Variants in KMO observed in about 807,000 individuals in gnomAD.
The protein encoded by KMO is kynurenine 3-monooxygenase, also known as kynurenine 3-hydroxylase.
In KMO, 24 loss-of-function variants were observed where a neutral mutation model predicts 57.8. The observed-to-expected ratio is 0.42, with a 90% confidence interval of 0.30 to 0.58. KMO has a LOEUF of 0.58. Ranked by LOEUF, KMO falls within the 20% of genes least tolerant of loss-of-function variation. The probability of loss-of-function intolerance (pLI) is 0.22; values close to 1 mark genes in which losing one functional copy is unlikely to be tolerated. For synonymous variants in KMO, 210 were observed against 193.6 expected, an observed-to-expected ratio of 1.08 and a Z score of -0.70; for missense variants, 483 against 588.2, an observed-to-expected ratio of 0.82 and a Z score of 1.85.
At chr1:241,575,457 A>G (rs1387032715) in intron 10 of KMO, among the ~76,000 whole-genome samples, 3 of 152,020 alleles carry the variant, frequency 2.0e-5, no homozygotes, top group Admixed American at 6.5e-5. Flanking sequence ...AGGTTTTGAT[A>G]TGTTGTGTCA....
At position 241,581,229 on chromosome 1, in the gene KMO, G is replaced by A. The variant is rs999692086; in HGVS notation, c.958-5450G>A. On this transcript the variant is annotated intron_variant, in intron 10 of 14. Transcript: ENST00000366559. ...GTCGATGTGTGTCTTTATAGGTGAT[G>A]TGAATTTCTTGTAGGCAGCATATAG... Among the ~76,000 whole-genome samples the A allele has an allele frequency of 5.3e-5, 8 of 152,128 alleles. No homozygotes were observed. In the South Asian group the frequency reaches 1.7e-3, roughly 31 times the overall value.
intron 1 of KMO, among the ~76,000 whole-genome samples, chr1:241,538,122 G>A (rs1660813049): frequency 1.3e-5 from 2 of 152,154 alleles, no homozygotes. Context: ...GTCTGAGCAT[G>A]CATAATCAAG....
intron 7 of KMO, among the ~76,000 whole-genome samples, chr1:241,562,677 A>C (rs1381922343): frequency 6.6e-6 from 1 of 152,070 alleles, no homozygotes; most frequent in Non-Finnish European, 1.5e-5. Flanking sequence ...CTGTCTCTGT[A>C]AAAAATACAA....
intron 2 of KMO, among the ~76,000 whole-genome samples, chr1:241,549,174 GAGAA>G (rs1195689650): frequency 4.1e-5 from 6 of 145,108 alleles, no homozygotes; most frequent in African/African-American, 1.6e-4. Flanking sequence ...AAGAAAGAGA[GAGAA>G]AGAGAGAGAG....
At chr1:241,585,757 TA>T (rs1011144039) in intron 10 of KMO, among the ~76,000 whole-genome samples, 25 of 99,688 alleles carry the variant, frequency 2.5e-4, no homozygotes, top group South Asian at 1.5e-3. Flanking sequence ...CCATCTAAAA[TA>T]AAAAAAAAAG....
chr1:241,593,521 A>G lies in KMO; in HGVS notation c.*1368A>G. On this transcript the variant is annotated 3_prime_UTR_variant, in exon 15 of 15. Coordinates refer to ENST00000366559, the MANE Select transcript of KMO (RefSeq NM_003679.5). ...CCTTGAGTTCTAATAATCCATGTTC[A>G]GTTTGTAGGGAAAGAAAAAATAATT... 3.6e-6 allele frequency: 1 copy of G among 278,354 alleles called. No individual in the cohort carries two copies. The highest frequency in any genetic ancestry group is 3.7e-5 in the South Asian group (1 of 27,370). 17.2% of individuals were successfully genotyped at this position (278,354 alleles called of 1,614,324 possible). A position where few individuals can be genotyped will look rare whatever the true frequency, so the allele number is the denominator to read the frequency against.
In KMO at chr1:241,562,262, G is replaced by A. The variant is rs147782357; in HGVS notation, c.545G>A (p.Arg182His). 23 of 1,614,024 alleles carry A rather than the reference G, an allele frequency of 1.4e-5. No homozygotes were observed. Among genetic ancestry groups the A allele is most frequent in the East Asian group, 6.7e-5 (3 of 44,890 alleles). Residue 182 changes from arginine to histidine, a missense_variant, in exon 7 of 15, where the codon CGC becomes CAC. Arg to His is a conservative substitution (Grantham distance 29). Transcript: ENST00000366559. ...AGATCTCACCTGATGAAGAAACCTC[G>A]CTTTGATTACAGTCAGCAGTACATT... is the stretch of plus-strand genomic sequence containing the variant. ...TVRSHLMKKP[R>H]FDYSQQYIPH...
chr1:241,579,891 C>T lies in KMO; in HGVS notation c.958-6788C>T, dbSNP rs1662685604. ...TTAGCTTGCAGACTTCCATGAGGTT[C>T]CCAGTAATGTAGAATCAGGAATAAC... On this transcript the variant is annotated intron_variant, in intron 10 of 14. Coordinates refer to ENST00000366559, the MANE Select transcript of KMO (RefSeq NM_003679.5). 1.3e-5 allele frequency among the ~76,000 whole-genome samples: 2 copies of T among 152,134 alleles called. 1 individual carries two copies. Among genetic ancestry groups the T allele is most frequent in the South Asian group, 4.1e-4 (2 of 4,824 alleles).
intron 1 of KMO, among the ~76,000 whole-genome samples, chr1:241,541,830 T>A (rs1359910988): frequency 6.6e-6 from 1 of 152,146 alleles, no homozygotes; most frequent in African/African-American, 2.4e-5. Context: ...TCTTGAGACG[T>A]CAAACTATAG....
intron 11 of KMO, among the ~76,000 whole-genome samples, chr1:241,588,034 A>T (rs1663076992): frequency 6.6e-6 from 1 of 152,156 alleles, no homozygotes; most frequent in South Asian, 2.1e-4. Context: ...CCTTAAACTT[A>T]CACCCAGTTT....
chr1:241,573,112 C>T (rs1662366531), intron 10 of KMO, among the ~76,000 whole-genome samples: 1 of 151,956 alleles, frequency 6.6e-6, no homozygotes, highest in African/African-American at 2.4e-5. Flanking sequence ...ATGCAAGTGT[C>T]TTTTTTGGTA....
chr1:241,591,379 G>A (rs1206840064), intron 14 of KMO, among the ~76,000 whole-genome samples: 1 of 151,532 alleles, frequency 6.6e-6, no homozygotes, highest in Non-Finnish European at 1.5e-5. Flanking sequence ...CCAATCTCTT[G>A]TGATGTGTAA....
At chr1:241,587,082 A>G (rs1440985924) in intron 11 of KMO, among the ~76,000 whole-genome samples, 2 of 151,982 alleles carry the variant, frequency 1.3e-5, no homozygotes, top group Non-Finnish European at 2.9e-5. Context: ...AACAGTCCCA[A>G]CGTTTTGGCA....
At position 241,577,665 on chromosome 1, in the gene KMO, A is replaced by C; in HGVS notation, c.958-9014A>C. Among the ~76,000 whole-genome samples the C allele has an allele frequency of 1.3e-5, 2 of 152,206 alleles. 1 individual carries two copies. The highest frequency in any genetic ancestry group is 6.8e-3 in the Middle Eastern group (2 of 294). On this transcript the variant is annotated intron_variant, in intron 10 of 14. Coordinates refer to ENST00000366559, the MANE Select transcript of KMO (RefSeq NM_003679.5). ...GCTCATCTCGTTTCCCATGATGTGCACTTTTTTATTTATTTATTTTTTCCC... is the reference window on the plus strand; with the variant it reads ...GCTCATCTCGTTTCCCATGATGTGCCCTTTTTTATTTATTTATTTTTTCCC...
intron 1 of KMO, among the ~76,000 whole-genome samples, chr1:241,541,116 T>C (rs1005270519): frequency 6.6e-6 from 1 of 152,026 alleles, no homozygotes; most frequent in Admixed American, 6.6e-5. Flanking sequence ...ATTGAATGCA[T>C]ACAGACTGGG....
chr1:241,572,156 C>T (rs59339506), intron 10 of KMO, among the ~76,000 whole-genome samples: 8,352 of 152,044 alleles, frequency 0.055, 386 homozygotes, highest in East Asian at 0.18. Context: ...TGAGCCACCA[C>T]GCCCGGGCAA....
intron 1 of KMO, among the ~76,000 whole-genome samples, chr1:241,547,583 CAAA>C (rs112450459): frequency 4.7e-5 from 4 of 85,982 alleles, no homozygotes; most frequent in Non-Finnish European, 5.0e-5. Flanking sequence ...GACTCTGTCT[CAAA>C]AAAAAAAAAA....
At chr1:241,538,511 T>C (rs2147938881) in intron 1 of KMO, among the ~76,000 whole-genome samples, 1 of 152,318 alleles carries the variant, frequency 6.6e-6, no homozygotes, top group East Asian at 1.9e-4. Flanking sequence ...ACAGATTAGA[T>C]GTATATTGTT....
chr1:241,574,268 C>G (rs1369831016), intron 10 of KMO, among the ~76,000 whole-genome samples: 1 of 152,156 alleles, frequency 6.6e-6, no homozygotes, highest in East Asian at 1.9e-4. Context: ...ATTTCCTTCT[C>G]CTGCCTGATT....
Sources: allele counts gnomAD v4.1 joint callset (sites outside exome capture counted in the v4.1 genomes callset), GRCh38; gene constraint gnomAD v4.1.1; transcripts MANE v1.5; gene names NCBI Gene and HGNC (gene_info 2026-07-23, HGNC 2026-07-21).